DNM1: variants seen among roughly 807,000 people sequenced by gnomAD.
The protein encoded by DNM1 is dynamin 1.
In DNM1, 29 loss-of-function variants were observed where a neutral mutation model predicts 104.6. The ratio of observed to expected loss-of-function variants is 0.28; its 90% CI spans 0.21 to 0.38. DNM1 has a LOEUF of 0.38. DNM1 is among the 10% of genes least tolerant of loss of function. The pLI, the probability that DNM1 is intolerant of heterozygous loss-of-function variation, is 1.00. For missense variants in DNM1, 640 were observed against 1,189.4 expected (o/e 0.54, Z 6.79); for synonymous variants, 445 against 475.8 (o/e 0.94, Z 0.84).
At chr9:128,214,390 G>A (rs1282209619) in intron 1 of DNM1, among the ~76,000 whole-genome samples, 1 of 152,186 alleles carries the variant, frequency 6.6e-6, no homozygotes, top group African/African-American at 2.4e-5. Flanking sequence ...GACATTCAAT[G>A]TGGGGTCCAT....
chr9:128,231,825 A>T (rs953282168), intron 10 of DNM1, among the ~76,000 whole-genome samples: 1 of 152,118 alleles, frequency 6.6e-6, no homozygotes, highest in African/African-American at 2.4e-5. Context: ...AGGCCCAGAG[A>T]GGTCTGGTCA....
intron 1 of DNM1, among the ~76,000 whole-genome samples, chr9:128,211,582 G>C (rs1834305653): frequency 6.8e-6 from 1 of 147,058 alleles, no homozygotes; most frequent in African/African-American, 2.5e-5. Flanking sequence ...CTGGCCTCAA[G>C]CTGGGGCTTG....
intron 10 of DNM1, among the ~76,000 whole-genome samples, chr9:128,232,416 TC>T (rs1835752172): frequency 6.6e-6 from 1 of 152,102 alleles, no homozygotes; most frequent in Non-Finnish European, 1.5e-5. Context: ...AGCCACATCA[TC>T]CACGCCCTTG....
intron 14 of DNM1, among the ~76,000 whole-genome samples, chr9:128,242,017 G>T (rs1218260006): frequency 6.6e-6 from 1 of 152,166 alleles, no homozygotes; most frequent in East Asian, 1.9e-4. Flanking sequence ...CCTGTCAAAG[G>T]CTCTTTATCC....
Position 128,226,215 on chromosome 9 carries a change from T to C in DNM1, c.1335+1826T>C, listed in dbSNP as rs1208673153. On this transcript the variant is annotated intron_variant, in intron 10 of 21. Coordinates refer to ENST00000372923, the MANE Select transcript of DNM1 (RefSeq NM_004408.4). ...GGCGGGGCTGGGCCTGGCCGTCCAT[T>C]CCTTGTGGCCACAGCCTCCCGTGGG... 1.9e-6 allele frequency: 3 copies of C among 1,608,694 alleles called. No homozygotes were observed. In the African/African-American group the frequency reaches 4.0e-5, roughly 22 times the overall value.
At chr9:128,228,545 G>C (rs1045384647) in intron 10 of DNM1, among the ~76,000 whole-genome samples, 2 of 152,164 alleles carry the variant, frequency 1.3e-5, no homozygotes, top group Non-Finnish European at 2.9e-5. Context: ...TTTGGAATGA[G>C]AGTCAAAGTG....
At chr9:128,237,044 T>C (rs1836058071) in intron 11 of DNM1, among the ~76,000 whole-genome samples, 1 of 152,196 alleles carries the variant, frequency 6.6e-6, no homozygotes, top group Non-Finnish European at 1.5e-5. Flanking sequence ...TCATCTCCTG[T>C]GTCTTCACCA....
At chr9:128,221,010 CCTTCCTTT>C (rs1364083282) in intron 6 of DNM1, 10 of 140,874 alleles carry the variant, frequency 7.1e-5, no homozygotes, top group African/African-American at 2.5e-4. Flanking sequence ...TTCCTTCCTT[CCTTCCTTT>C]CTTTCTCTTT....
rs545097634 is a variant in DNM1 at position 128,240,201 on chromosome 9, A to G, written c.1557+205A>G. Among the ~76,000 whole-genome samples, 4 of 152,268 alleles carry G rather than the reference A, an allele frequency of 2.6e-5. No individual in the cohort carries two copies. The highest frequency in any genetic ancestry group is 6.5e-5 in the Admixed American group (1 of 15,304). On this transcript the variant is annotated intron_variant, in intron 14 of 21. Transcript: ENST00000372923. The surrounding 1 kb of genome is among the most constrained non-coding windows in gnomAD (Gnocchi z 5.1). ...ATCTGTGTGCACGAGCCAAGCACCT[A>G]CTTCAGGCAGAGCTAGACCGTGTGG...
intron 1 of DNM1, among the ~76,000 whole-genome samples, chr9:128,209,880 G>C (rs1381665890): frequency 6.6e-6 from 1 of 152,148 alleles, no homozygotes; most frequent in Non-Finnish European, 1.5e-5. Context: ...ACCTCCCCTG[G>C]CCCCTGGGGA....
intron 10 of DNM1, among the ~76,000 whole-genome samples, chr9:128,228,335 T>C (rs1835467692): frequency 6.6e-6 from 1 of 151,696 alleles, no homozygotes; most frequent in African/African-American, 2.4e-5. Context: ...GAGCCACCCC[T>C]CCTGGCCTAA....
chr9:128,203,866 G>A lies in DNM1; in HGVS notation c.161+235G>A, dbSNP rs564336358. 1.5e-4 allele frequency among the ~76,000 whole-genome samples: 23 copies of A among 150,434 alleles called. No homozygotes were observed. In the East Asian group the frequency reaches 2.9e-3, roughly 19 times the overall value. ...GTCAAGCCTCCGGCTACCGAATCAC[G>A]CCCCCTCCTCCGTCCCATCCTTTAG... On this transcript the variant is annotated intron_variant, in intron 1 of 21. Transcript: ENST00000372923. The surrounding 1 kb of genome is among the most constrained non-coding windows in gnomAD (Gnocchi z 5.3).
At chr9:128,205,798 G>A (rs1204686492) in intron 1 of DNM1, among the ~76,000 whole-genome samples, 1 of 152,184 alleles carries the variant, frequency 6.6e-6, no homozygotes, top group Non-Finnish European at 1.5e-5. Context: ...CATGACGCAG[G>A]GGCCATCCCT....
At chr9:128,215,691 C>A (rs1302814577) in intron 1 of DNM1, among the ~76,000 whole-genome samples, 1 of 152,200 alleles carries the variant, frequency 6.6e-6, no homozygotes, top group East Asian at 1.9e-4. Flanking sequence ...CCCTCAGGCT[C>A]ACCAGGGCTG....
chr9:128,243,363 G>A lies in DNM1; in HGVS notation c.1671+1018G>A, dbSNP rs142829466. ...AAGGGACCCTCTTCTTCCTGAGGGG[G>A]CTGTTGGAGGCTACAGCATCCTCAA... On this transcript the variant is annotated intron_variant, in intron 15 of 21. Transcript: ENST00000372923. This position sits in a 1 kb window ranked among gnomAD's most constrained non-coding sequence, Gnocchi z 4.0. 9.1e-4 allele frequency among the ~76,000 whole-genome samples: 138 copies of A among 152,172 alleles called. No individual in the cohort carries two copies. The highest frequency in any genetic ancestry group is 3.0e-3 in the African/African-American group (124 of 41,546).
intron 10 of DNM1, among the ~76,000 whole-genome samples, chr9:128,225,320 G>A (rs1221882789): frequency 6.6e-6 from 1 of 152,184 alleles, no homozygotes; most frequent in Non-Finnish European, 1.5e-5. Flanking sequence ...CCCTGTGGAG[G>A]AGAGGCCAGG....
chr9:128,233,102 G>A (rs1835798433), intron 10 of DNM1, among the ~76,000 whole-genome samples: 1 of 152,240 alleles, frequency 6.6e-6, no homozygotes, highest in African/African-American at 2.4e-5. Context: ...CCCAGAGCCC[G>A]ACTGAGCTGA....
At position 128,243,503 on chromosome 9, in the gene DNM1, G is replaced by A. The variant is rs1836528080; in HGVS notation, c.1671+1158G>A. Reference sequence around the variant, plus strand: ...GGGCCCCAACTCTCCACCTTGGGAGGGGCCCTCTGTCGTCACTGGCGGGGG... The same window carrying A: ...GGGCCCCAACTCTCCACCTTGGGAGAGGCCCTCTGTCGTCACTGGCGGGGG... On this transcript the variant is annotated intron_variant, in intron 15 of 21. Coordinates refer to ENST00000372923, the MANE Select transcript of DNM1 (RefSeq NM_004408.4). This position sits in a 1 kb window ranked among gnomAD's most constrained non-coding sequence, Gnocchi z 4.0. Among the ~76,000 whole-genome samples, 1 of 152,230 alleles carries A rather than the reference G, an allele frequency of 6.6e-6. No individual in the cohort carries two copies. Among genetic ancestry groups the A allele is most frequent in the African/African-American group, 2.4e-5 (1 of 41,460 alleles).
chr9:128,238,848 G>C (rs1836180279), intron 11 of DNM1, among the ~76,000 whole-genome samples: 1 of 150,728 alleles, frequency 6.6e-6, no homozygotes, highest in Non-Finnish European at 1.5e-5. Context: ...GTAGAGACGG[G>C]GTTTCACCGT....
Sources: gnomAD v4.1 joint callset for allele counts (sites outside exome capture counted in the v4.1 genomes callset) on GRCh38, gnomAD v4.1.1 for gene constraint, Gnocchi (gnomAD v3.1) non-coding constraint, MANE v1.5 for transcripts, NCBI Gene and HGNC (gene_info 2026-07-23, HGNC 2026-07-21) for gene names.